LARP1: variants seen among roughly 807,000 people sequenced by gnomAD.
LARP1 encodes the protein La ribonucleoprotein 1, translational regulator, also known as la-related protein 1.
LARP1 carries 36 observed loss-of-function variants against 122.7 expected under a neutral mutation model. The observed-to-expected ratio is 0.29, with a 90% CI of 0.22 to 0.39. The LOEUF is 0.39. Among genes scored for constraint, LARP1 ranks in the 10% least tolerant of loss-of-function variants. LARP1 has a pLI of 1.00. For missense variants in LARP1, 1,040 were observed against 1,403.6 expected (o/e 0.74, Z 4.14); for synonymous variants, 539 against 528.7 (o/e 1.02, Z -0.27).
chr5:154,714,071 GT>G (rs1755359341), intron 1 of LARP1, among the ~76,000 whole-genome samples: 1 of 152,202 alleles, frequency 6.6e-6, no homozygotes, highest in Admixed American at 6.5e-5. Flanking sequence ...TTTGAACTCA[GT>G]TTTCCCAGCT....
At chr5:154,701,742 C>T (rs973003299) in intron 1 of LARP1, among the ~76,000 whole-genome samples, 8 of 151,946 alleles carry the variant, frequency 5.3e-5, no homozygotes, top group Non-Finnish European at 1.2e-4. Context: ...CTGCCTCAGC[C>T]TCCTGAGTAG....
chr5:154,779,530 T>C (rs890836057), intron 1 of LARP1, among the ~76,000 whole-genome samples: 4 of 136,268 alleles, frequency 2.9e-5, no homozygotes, highest in Non-Finnish European at 6.2e-5. Flanking sequence ...TTTTTTGAGA[T>C]AGAGTTTTGC....
intron 1 of LARP1, among the ~76,000 whole-genome samples, chr5:154,719,037 C>T (rs1022228294): frequency 1.3e-5 from 2 of 152,170 alleles, no homozygotes; most frequent in African/African-American, 4.8e-5. Flanking sequence ...TGTATTAGCT[C>T]AGAGAAGAAA....
chr5:154,739,415 T>A (rs1037615722), intron 1 of LARP1, among the ~76,000 whole-genome samples: 2 of 152,232 alleles, frequency 1.3e-5, no homozygotes, highest in African/African-American at 4.8e-5. Context: ...ATTTTTGTTG[T>A]GTGGAAGCTG....
At chr5:154,811,114 G>A in intron 16 of LARP1, 133 bp from the exon 17 acceptor site, 1 of 652,942 alleles carries the variant, frequency 1.5e-6, no homozygotes, top group South Asian at 2.0e-5. Context: ...CATTCTAAAA[G>A]CGTGTATGCT....
At chr5:154,801,465 C>T (rs1013601800) in intron 10 of LARP1, among the ~76,000 whole-genome samples, 1 of 152,188 alleles carries the variant, frequency 6.6e-6, no homozygotes, top group African/African-American at 2.4e-5. Context: ...GTAACAGGGA[C>T]CTTGTCTTAT....
Position 154,755,747 on chromosome 5 carries a change from C to G in LARP1, c.-11C>G. 1.0e-6 allele frequency: 1 copy of G among 987,024 alleles called. No individual in the cohort carries two copies. Among genetic ancestry groups the G allele is most frequent in the Non-Finnish European group, 1.2e-6 (1 of 830,330 alleles). 61.1% of individuals were successfully genotyped at this position (987,024 alleles called of 1,614,324 possible). A position where few individuals can be genotyped will look rare whatever the true frequency, so the allele number is the denominator to read the frequency against. On this transcript the variant is annotated 5_prime_UTR_variant, in exon 1 of 19. Coordinates refer to ENST00000518297, the MANE Select transcript of LARP1 (RefSeq NM_033551.3). ...GGCGCGCCCGGCTTCTCCGGGGGGGCGGGCGCGCAGATGGCCACTCAGGTG... is the reference window on the plus strand; with the variant it reads ...GGCGCGCCCGGCTTCTCCGGGGGGGGGGGCGCGCAGATGGCCACTCAGGTG...
At chr5:154,696,781 G>A (rs984015959) in intron 1 of LARP1, among the ~76,000 whole-genome samples, 3 of 152,182 alleles carry the variant, frequency 2.0e-5, no homozygotes, top group Non-Finnish European at 2.9e-5. Flanking sequence ...TTTAGGAAGA[G>A]GTTTACTTGC....
chr5:154,742,623 G>A (rs1420762081), intron 1 of LARP1, among the ~76,000 whole-genome samples: 7 of 151,376 alleles, frequency 4.6e-5, no homozygotes, highest in Admixed American at 3.3e-4. Context: ...CCAGCTATTC[G>A]GGAGTCTGAG....
upstream of LARP1, among the ~76,000 whole-genome samples, chr5:154,751,373 C>A (rs1753478955): frequency 6.6e-6 from 1 of 152,214 alleles, no homozygotes; most frequent in South Asian, 2.1e-4. Context: ...TAGTGCCTGG[C>A]ACATAGTAGG....
chr5:154,805,080 T>G (rs1435543414), intron 14 of LARP1: 1 of 338,270 alleles, frequency 3.0e-6, no homozygotes, highest in Non-Finnish European at 5.8e-6. Flanking sequence ...ATTCTTACAA[T>G]AAGCTAAATA....
intron 1 of LARP1, among the ~76,000 whole-genome samples, chr5:154,766,606 GAAC>G (rs1754973545): frequency 6.6e-6 from 1 of 152,156 alleles, no homozygotes; most frequent in Non-Finnish European, 1.5e-5. Context: ...GGCTGGGTGG[GAAC>G]AACAAGAGGC....
chr5:154,713,393 T>TA (rs1755322883), intron 1 of LARP1, among the ~76,000 whole-genome samples: 1 of 152,238 alleles, frequency 6.6e-6, no homozygotes, highest in Non-Finnish European at 1.5e-5. Context: ...CTGCACCTGT[T>TA]ACATAATAAT....
intron 10 of LARP1, among the ~76,000 whole-genome samples, chr5:154,800,868 T>TA (rs1322188750): frequency 3.9e-5 from 6 of 152,216 alleles, no homozygotes; most frequent in Non-Finnish European, 8.8e-5. Flanking sequence ...TGCCTGTTCA[T>TA]ACACAGAATT....
At chr5:154,707,364 C>T (rs745940763) in intron 1 of LARP1, among the ~76,000 whole-genome samples, 21 of 152,228 alleles carry the variant, frequency 1.4e-4, no homozygotes, top group Non-Finnish European at 2.6e-4. Context: ...GGAGTCCTGA[C>T]TGTGACCAAT....
chr5:154,706,850 A>G (rs1187117864), intron 1 of LARP1, among the ~76,000 whole-genome samples: 2 of 152,204 alleles, frequency 1.3e-5, no homozygotes, highest in Non-Finnish European at 2.9e-5. Context: ...GCGACAAACC[A>G]GATAATTTTT....
intron 1 of LARP1, among the ~76,000 whole-genome samples, chr5:154,775,507 AAAG>A (rs1432465827): frequency 6.6e-6 from 1 of 151,864 alleles, no homozygotes; most frequent in Non-Finnish European, 1.5e-5. Flanking sequence ...AAAAAAAAAA[AAAG>A]GCGACTCCCC....
chr5:154,799,940 A>G lies in LARP1; in HGVS notation c.1614A>G (p.Leu538=). The change falls in exon 10 of 19, where the codon CTA becomes CTG. Residue 538 remains leucine (L), a synonymous_variant. Transcript: ENST00000518297. ...VPTKTEEVSN[L]KTLPKGLSAS... is the part of the protein sequence containing the mutation. ...CCAAAACAGAGGAGGTCAGCAACCT[A>G]AAGACACTACCCAAGGGCCTGTCTG... 1 of 1,614,170 alleles carries G rather than the reference A, an allele frequency of 6.2e-7. No homozygotes were observed. The highest frequency in any genetic ancestry group is 8.5e-7 in the Non-Finnish European group (1 of 1,180,014).
In LARP1 at chr5:154,755,451, AGAAGCC is replaced by A. The variant is rs1753775796; in HGVS notation, c.-306_-301del. 2 of 701,766 alleles carry A rather than the reference AGAAGCC, an allele frequency of 2.8e-6. No homozygotes were observed. The highest frequency in any genetic ancestry group is 3.5e-6 in the Non-Finnish European group (2 of 571,294). The allele number at this position is 701,766 out of a possible 1,614,324, so 43.5% of individuals were successfully genotyped here. A position where few individuals can be genotyped will look rare whatever the true frequency, so the allele number is the denominator to read the frequency against. On this transcript the variant is annotated 5_prime_UTR_variant, in exon 1 of 19. In the 5' UTR this introduces an upstream ATG that the reference lacks. Transcript: ENST00000518297. ...GCGGGGGGGAGGGAGGGACGGGACT[AGAAGCC>A]TGCCGGGCTCGGGGTGGGGGCGTCT...
Sources: gnomAD v4.1 joint callset for allele counts (sites outside exome capture counted in the v4.1 genomes callset) on GRCh38, gnomAD v4.1.1 for gene constraint, MANE v1.5 for transcripts, NCBI Gene and HGNC (gene_info 2026-07-23, HGNC 2026-07-21) for gene names.